SDK2: variants seen among roughly 807,000 people sequenced by gnomAD.
SDK2 encodes sidekick cell adhesion molecule 2.
A neutral mutation model predicts 253.9 loss-of-function variants in SDK2; 105 were observed. The observed-to-expected ratio is 0.41, with a 90% confidence interval of 0.35 to 0.49. The LOEUF is 0.49. Among genes scored for constraint, SDK2 ranks in the 20% least tolerant of loss-of-function variants. The pLI, the probability that SDK2 is intolerant of heterozygous loss-of-function variation, is 0.06. For synonymous variants in SDK2, 1,249 were observed against 1,234.9 expected, an observed-to-expected ratio of 1.01 and a Z score of -0.24; for missense variants, 2,608 against 3,003.0, an observed-to-expected ratio of 0.87 and a Z score of 3.07.
At position 73,447,996 on chromosome 17, in the gene SDK2, G is replaced by A. The variant is rs1298971472; in HGVS notation, c.480-248C>T. Among the ~76,000 whole-genome samples the A allele has an allele frequency of 6.6e-6, 1 of 152,036 alleles. No homozygotes were observed. The highest frequency in any genetic ancestry group is 1.5e-5 in the Non-Finnish European group (1 of 68,010). ...AGAGACAGCACGTTCATGCCCAGAC[G>A]CCGAGGCCACCCAAAGGAAGCTTCC... On this transcript the variant is annotated intron_variant, in intron 4 of 44. Transcript: ENST00000392650. This position sits in a 1 kb window ranked among gnomAD's most constrained non-coding sequence, Gnocchi z 4.0.
At chr17:73,343,425 G>A (rs893154741) in intron 44 of SDK2, among the ~76,000 whole-genome samples, 2 of 152,262 alleles carry the variant, frequency 1.3e-5, no homozygotes, top group Admixed American at 1.3e-4. Context: ...GGTAGGGCGA[G>A]AAGAGAAGAA....
chr17:73,584,938 C>T lies in SDK2; in HGVS notation c.64+59087G>A, dbSNP rs947456561. On this transcript the variant is annotated intron_variant, in intron 1 of 44. Coordinates refer to ENST00000392650, the MANE Select transcript of SDK2 (RefSeq NM_001144952.2). The stretch of plus-strand genomic sequence containing the variant: ...GTTACAGGTGACGGATGCTGATGGC[C>T]GTTCATCTGTGGTTGCTGCTGATTA... Among the ~76,000 whole-genome samples, 10 of 152,198 alleles carry T rather than the reference C, an allele frequency of 6.6e-5. No homozygotes were observed. The East Asian group carries it at 1.2e-3, about 18-fold the overall frequency.
chr17:73,617,161 C>A (rs895823932), intron 1 of SDK2, among the ~76,000 whole-genome samples: 1 of 146,798 alleles, frequency 6.8e-6, no homozygotes, highest in African/African-American at 2.6e-5. Context: ...AAGCTTCCCG[C>A]AGAGAGGAGG....
At chr17:73,619,984 A>G (rs1278986245) in intron 1 of SDK2, among the ~76,000 whole-genome samples, 1 of 152,174 alleles carries the variant, frequency 6.6e-6, no homozygotes, top group East Asian at 1.9e-4. Context: ...AGTTTGCTTG[A>G]GCCCAGGAGT....
At position 73,534,548 on chromosome 17, in the gene SDK2, G is replaced by T. The variant is rs1310645803; in HGVS notation, c.65-26951C>A. ...GAAGGAGAAGTAAAGTCACAAAAGG[G>T]AGGGATGGGAAGATGCACAGAGGCA... On this transcript the variant is annotated intron_variant, in intron 1 of 44. Transcript: ENST00000392650. This position sits in a 1 kb window ranked among gnomAD's most constrained non-coding sequence, Gnocchi z 4.9. Among the ~76,000 whole-genome samples, 1 of 152,134 alleles carries T rather than the reference G, an allele frequency of 6.6e-6. No homozygotes were observed. The highest frequency in any genetic ancestry group is 1.5e-5 in the Non-Finnish European group (1 of 68,024).
chr17:73,587,867 GAA>G (rs2045623244), intron 1 of SDK2, among the ~76,000 whole-genome samples: 1 of 152,240 alleles, frequency 6.6e-6, no homozygotes, highest in South Asian at 2.1e-4. Context: ...GTAAAATCTT[GAA>G]GTCTGTTTAC....
rs1267770868 is a variant in SDK2 at position 73,643,501 on chromosome 17, C to A, written c.64+524G>T. Among the ~76,000 whole-genome samples, 3 of 152,130 alleles carry A rather than the reference C, an allele frequency of 2.0e-5. No individual in the cohort carries two copies. The highest frequency in any genetic ancestry group is 4.8e-5 in the African/African-American group (2 of 41,454). The stretch of plus-strand genomic sequence containing the variant: ...GAGCAGCCAGGGGCGGGCTCCCGTA[C>A]GTGGCCAAGCCGGGCAATTGCTCTC... On this transcript the variant is annotated intron_variant, in intron 1 of 44. Transcript: ENST00000392650. This position sits in a 1 kb window ranked among gnomAD's most constrained non-coding sequence, Gnocchi z 6.9.
chr17:73,628,269 C>T (rs1714722628), intron 1 of SDK2, among the ~76,000 whole-genome samples: 2 of 152,358 alleles, frequency 1.3e-5, no homozygotes, highest in Middle Eastern at 3.4e-3. Context: ...TGGCTGAGAA[C>T]ACAGGCTCTG....
intron 36 of SDK2, among the ~76,000 whole-genome samples, chr17:73,375,055 G>GGAGTCC (rs2062766214): frequency 6.6e-6 from 1 of 151,822 alleles, no homozygotes; most frequent in Non-Finnish European, 1.5e-5. Flanking sequence ...CTCCCATTGC[G>GGAGTCC]CTCCCTGGAA....
intron 12 of SDK2, among the ~76,000 whole-genome samples, chr17:73,427,642 C>CAAAAAAAAAAAAAAAAAA (rs9302965): frequency 1.9e-5 from 2 of 105,826 alleles, no homozygotes; most frequent in Admixed American, 1.0e-4. Flanking sequence ...CATCCACATG[C>CAAAAAAAAAAAAAAAAAA]AAAAAAAAAA....
At chr17:73,470,743 G>C (rs945109523) in intron 3 of SDK2, among the ~76,000 whole-genome samples, 14 of 152,182 alleles carry the variant, frequency 9.2e-5, no homozygotes, top group African/African-American at 3.4e-4. Flanking sequence ...TCTTTAAGTA[G>C]CAAGCTCTCT....
intron 2 of SDK2, among the ~76,000 whole-genome samples, chr17:73,473,299 A>G (rs1355097579): frequency 6.6e-6 from 1 of 152,188 alleles, no homozygotes; most frequent in Non-Finnish European, 1.5e-5. Context: ...CAGTGAGAGG[A>G]GCTTCTGACA....
intron 1 of SDK2, among the ~76,000 whole-genome samples, chr17:73,545,806 C>T (rs2044954176): frequency 6.6e-6 from 1 of 152,154 alleles, no homozygotes; most frequent in African/African-American, 2.4e-5. Flanking sequence ...TGGTTCTGGT[C>T]TCATTCTTCC....
chr17:73,531,624 G>A (rs973887480), intron 1 of SDK2, among the ~76,000 whole-genome samples: 4 of 152,144 alleles, frequency 2.6e-5, no homozygotes, highest in African/African-American at 4.8e-5. Context: ...CCTCCCAGCC[G>A]CCAGTCATTA....
chr17:73,500,663 A>C (rs1453811014), intron 2 of SDK2, among the ~76,000 whole-genome samples: 14 of 72,404 alleles, frequency 1.9e-4, no homozygotes, highest in East Asian at 8.1e-4. Context: ...TCCTCACTCC[A>C]TCTCCTCCAT....
At chr17:73,527,378 C>T (rs2064134240) in intron 1 of SDK2, among the ~76,000 whole-genome samples, 3 of 152,112 alleles carry the variant, frequency 2.0e-5, no homozygotes, top group Non-Finnish European at 2.9e-5. Flanking sequence ...AAAGGAGAAA[C>T]CTCTCAAAAA....
At chr17:73,471,043 G>T (rs565743441) in intron 3 of SDK2, among the ~76,000 whole-genome samples, 1 of 152,250 alleles carries the variant, frequency 6.6e-6, no homozygotes, top group East Asian at 1.9e-4. Flanking sequence ...TTCTTCTGAA[G>T]CTGTCTTCCC....
At chr17:73,378,546 A>C (rs1404387701) in intron 36 of SDK2, among the ~76,000 whole-genome samples, 1 of 151,744 alleles carries the variant, frequency 6.6e-6, no homozygotes, top group Non-Finnish European at 1.5e-5. Context: ...CAGCCTCTCG[A>C]ATAGCTGGGA....
At chr17:73,510,444 C>T (rs2063971279) in intron 1 of SDK2, among the ~76,000 whole-genome samples, 1 of 152,184 alleles carries the variant, frequency 6.6e-6, no homozygotes, top group Admixed American at 6.5e-5. Flanking sequence ...GCTCAGAGGG[C>T]AGCTGCTGCC....
Sources: gnomAD v4.1 joint callset for allele counts (sites outside exome capture counted in the v4.1 genomes callset) on GRCh38, gnomAD v4.1.1 for gene constraint, Gnocchi (gnomAD v3.1) non-coding constraint, MANE v1.5 for transcripts, NCBI Gene and HGNC (gene_info 2026-07-23, HGNC 2026-07-21) for gene names.